The following PHEX variants were observed in gnomAD, a reference collection of about 807,000 sequenced individuals.
PHEX encodes phosphate-regulating neutral endopeptidase PHEX.
Under a neutral mutation model 68.0 loss-of-function variants are expected in PHEX, and 16 were observed. The observed-to-expected ratio is 0.24, with a 90% CI of 0.16 to 0.36. The LOEUF (loss-of-function observed/expected upper bound fraction) is 0.36, where lower values mean the gene tolerates loss of function less well. Among genes scored for constraint, PHEX ranks in the 10% least tolerant of loss-of-function variants. PHEX has a pLI of 1.00. For synonymous variants in PHEX, 208 were observed against 205.1 expected, an observed-to-expected ratio of 1.01 and a Z score of -0.12; for missense variants, 480 against 575.5, an observed-to-expected ratio of 0.83 and a Z score of 1.70.
intron 12 of PHEX, among the ~76,000 whole-genome samples, chrX:22,144,736 C>T (rs1295847876): frequency 1.2e-5 from 1 of 82,476 alleles, no homozygotes; most frequent in African/African-American, 5.2e-5. Flanking sequence ...AAATTGTTTG[C>T]TTTCTTTTTT....
At chrX:22,073,630 C>G (rs773378588) in intron 3 of PHEX, among the ~76,000 whole-genome samples, 1 of 94,455 alleles carries the variant, frequency 1.1e-5, no homozygotes, top group Non-Finnish European at 2.1e-5. Flanking sequence ...GTTTGCTGTG[C>G]TATAGTTTTT....
intron 3 of PHEX, among the ~76,000 whole-genome samples, chrX:22,060,197 A>T (rs1171585869): frequency 9.0e-6 from 1 of 110,564 alleles, no homozygotes; most frequent in African/African-American, 3.3e-5. Flanking sequence ...GAAGTGATAT[A>T]GCTTTTATGA....
At chrX:22,230,795 C>T (rs1399551678) in intron 20 of PHEX, among the ~76,000 whole-genome samples, 2 of 111,521 alleles carry the variant, frequency 1.8e-5, no homozygotes, top group Non-Finnish European at 3.8e-5. Flanking sequence ...ACTGCCCTGG[C>T]CAGAACTTCC....
intron 8 of PHEX, among the ~76,000 whole-genome samples, chrX:22,098,357 C>A (rs2147045747): frequency 9.3e-6 from 1 of 107,805 alleles, no homozygotes; most frequent in East Asian, 3.0e-4. Flanking sequence ...GAGAGAAAGA[C>A]AGAGGGGAGA....
chrX:22,067,113 A>G (rs753664706), intron 3 of PHEX, among the ~76,000 whole-genome samples: 1 of 110,139 alleles, frequency 9.1e-6, no homozygotes, highest in African/African-American at 3.3e-5. Flanking sequence ...ACTGAGGCAC[A>G]TGCCTGTGGT....
intron 20 of PHEX, among the ~76,000 whole-genome samples, chrX:22,236,727 C>A (rs1273022890): frequency 1.8e-5 from 2 of 112,207 alleles, no homozygotes; most frequent in Non-Finnish European, 3.8e-5. Flanking sequence ...AGCCTAAAAT[C>A]TTTACCATCT....
At chrX:22,182,311 T>C (rs189401055) in intron 14 of PHEX, among the ~76,000 whole-genome samples, 28 of 111,714 alleles carry the variant, frequency 2.5e-4, no homozygotes, top group Middle Eastern at 4.6e-3. Context: ...AATGCTTCTT[T>C]AGCATCAGTT....
intron 20 of PHEX, among the ~76,000 whole-genome samples, chrX:22,241,214 T>G (rs1352657154): frequency 8.9e-6 from 1 of 112,194 alleles, no homozygotes; most frequent in Non-Finnish European, 1.9e-5. Context: ...AATAAAGATG[T>G]TCTTTGAAAC....
rs776974481 is a variant in PHEX, at chrX:22,247,840, T to A, written c.2148-11T>A. On this transcript the variant is annotated splice_polypyrimidine_tract_variant and intron_variant, in intron 21 of 21. Transcript: ENST00000379374. Reference sequence around the variant, plus strand: ...ATTATATGACATATGCTTTGACATATCGTTTTTCAGGGTCAATGGTGCAAT... The same window carrying A: ...ATTATATGACATATGCTTTGACATAACGTTTTTCAGGGTCAATGGTGCAAT... The A allele has an allele frequency of 2.6e-6, 3 of 1,132,660 alleles. No individual in the cohort carries two copies. Among genetic ancestry groups the A allele is most frequent in the Non-Finnish European group, 3.6e-6 (3 of 824,469 alleles). 93.3% of individuals were successfully genotyped at this position (1,132,660 alleles called of 1,213,427 possible). A position where few individuals can be genotyped will look rare whatever the true frequency, so the allele number is the denominator to read the frequency against.
chrX:22,226,318 T>G (rs189337068), intron 18 of PHEX, 125 bp from the exon 19 acceptor site: 1 of 528,878 alleles, frequency 1.9e-6, no homozygotes, highest in African/African-American at 2.4e-5. Flanking sequence ...CTCTGATTTA[T>G]TGAATGTGAT....
chrX:22,132,327 C>T (rs1037795062), intron 11 of PHEX, among the ~76,000 whole-genome samples: 2 of 110,505 alleles, frequency 1.8e-5, no homozygotes, highest in Non-Finnish European at 3.8e-5. Context: ...AGGCTGGTCT[C>T]GAACTCCTGG....
rs771264765 is a variant in PHEX at position 22,245,506 on chromosome X, G to GA, written c.2147+104dup. On this transcript the variant is annotated intron_variant, in intron 21 of 21. Transcript: ENST00000379374. ...AAGGGCTCTACCAGATAGGTGATCTGAAAAAAATCCCACATTGTGGACGTG... is the reference window on the plus strand; with the variant it reads ...AAGGGCTCTACCAGATAGGTGATCTGAAAAAAAATCCCACATTGTGGACGTG... 4.4e-4 allele frequency: 272 copies of GA among 612,399 alleles called. 2 individuals carry two copies. Among genetic ancestry groups the GA allele is most frequent in the Middle Eastern group, 3.7e-3 (11 of 2,961 alleles). 50.5% of individuals were successfully genotyped at this position (612,399 alleles called of 1,213,427 possible). A position where few individuals can be genotyped will look rare whatever the true frequency, so the allele number is the denominator to read the frequency against.
At chrX:22,100,481 A>T (rs1346270442) in intron 9 of PHEX, among the ~76,000 whole-genome samples, 1 of 111,957 alleles carries the variant, frequency 8.9e-6, no homozygotes, top group African/African-American at 3.2e-5. Flanking sequence ...CACATTTTAA[A>T]TTTTGGTGGT....
chrX:22,059,364 T>C (rs889441297), intron 3 of PHEX, among the ~76,000 whole-genome samples: 20 of 112,502 alleles, frequency 1.8e-4, no homozygotes, highest in Non-Finnish European at 2.2e-4. Context: ...TTATTGCAGA[T>C]GTTGCAGGTA....
At chrX:22,093,343 C>A (rs1421866802) in intron 6 of PHEX, among the ~76,000 whole-genome samples, 2 of 111,981 alleles carry the variant, frequency 1.8e-5, no homozygotes, top group Non-Finnish European at 3.8e-5. Flanking sequence ...TGATTATCCC[C>A]AAAATGGGTT....
At chrX:22,236,184 T>C (rs754020280) in intron 20 of PHEX, among the ~76,000 whole-genome samples, 1 of 112,131 alleles carries the variant, frequency 8.9e-6, no homozygotes, top group South Asian at 3.7e-4. Flanking sequence ...CTAAGCTTCA[T>C]CCTTCAGGAT....
rs777456871 is a variant in PHEX, at chrX:22,226,493, G to A, written c.1950G>A (p.Leu650=). The A allele has an allele frequency of 8.3e-7, 1 of 1,204,473 alleles. No individual in the cohort carries two copies. The highest frequency in any genetic ancestry group is 1.8e-5 in the South Asian group (1 of 56,768). ...AAAATATTGCTGATAATGGAGGCCT[G>A]CGGGAAGCTTTTAGGGTATGCGCTG... is the stretch of plus-strand genomic sequence containing the variant. ...LGENIADNGG[L]REAFRAYRKW... is the part of the protein sequence containing the mutation. The change falls in exon 19 of 22, where the codon CTG becomes CTA. Residue 650 remains leucine, a synonymous_variant. Transcript: ENST00000379374.
intron 3 of PHEX, among the ~76,000 whole-genome samples, chrX:22,047,979 C>T (rs1286854654): frequency 9.1e-6 from 1 of 109,299 alleles, no homozygotes; most frequent in Non-Finnish European, 1.9e-5. Flanking sequence ...CTCTTTTTGA[C>T]AACTGTGAGT....
chrX:22,121,026 T>G (rs2147072666), intron 11 of PHEX, among the ~76,000 whole-genome samples: 1 of 112,261 alleles, frequency 8.9e-6, no homozygotes, highest in South Asian at 3.7e-4. Context: ...GTCCCCAAAC[T>G]GCTTATCTTT....
Sources: allele counts gnomAD v4.1 joint callset (sites outside exome capture counted in the v4.1 genomes callset), GRCh38; gene constraint gnomAD v4.1.1; transcripts MANE v1.5; gene names NCBI Gene and HGNC (gene_info 2026-07-23, HGNC 2026-07-21).